ADGRV1: variants seen among roughly 807,000 people sequenced by gnomAD.
The protein encoded by ADGRV1 is G-protein coupled receptor 98.
A neutral mutation model predicts 596.2 loss-of-function variants in ADGRV1; 359 were observed. That is an observed-to-expected ratio of 0.60 (90% CI 0.55 to 0.66). The LOEUF (loss-of-function observed/expected upper bound fraction) is 0.66. Among genes scored for constraint, ADGRV1 ranks in the 30% least tolerant of loss-of-function variants. The pLI is 0.00. For synonymous variants in ADGRV1, 2,681 were observed against 2,679.2 expected, an observed-to-expected ratio of 1.00 and a Z score of -0.02; for missense variants, 7,274 against 7,575.6, an observed-to-expected ratio of 0.96 and a Z score of 1.48.
At chr5:90,899,782 T>C (rs932246328) in intron 83 of ADGRV1, among the ~76,000 whole-genome samples, 5 of 152,116 alleles carry the variant, frequency 3.3e-5, no homozygotes. Context: ...GCTCCATTCC[T>C]TCCACTCTTT....
chr5:90,688,448 C>G (rs1214478524), intron 29 of ADGRV1, among the ~76,000 whole-genome samples: 1 of 152,132 alleles, frequency 6.6e-6, no homozygotes, highest in African/African-American at 2.4e-5. Flanking sequence ...ATGTCCGCCT[C>G]CCGGGTTCAA....
intron 28 of ADGRV1, 140 bp from the exon 29 acceptor site, chr5:90,685,639 TA>T (rs1554082196): frequency 5.0e-5 from 13 of 259,220 alleles, no homozygotes; most frequent in African/African-American, 2.7e-4. Context: ...AATAAATAAA[TA>T]AAATAAATAG....
At chr5:90,736,323 CA>C (rs1470522337) in intron 50 of ADGRV1, among the ~76,000 whole-genome samples, 1 of 151,970 alleles carries the variant, frequency 6.6e-6, no homozygotes, top group African/African-American at 2.4e-5. Flanking sequence ...GAATAAATCC[CA>C]CTTGATCATG....
rs1432082801 is a variant in ADGRV1 at position 90,705,652 on chromosome 5, C to T, written c.8566+73C>T. 6 of 1,206,332 alleles carry T rather than the reference C, an allele frequency of 5.0e-6. No individual in the cohort carries two copies. In the Admixed American group the frequency reaches 1.0e-4, roughly 21 times the overall value. 74.7% of individuals were successfully genotyped at this position (1,206,332 alleles called of 1,614,324 possible). A position where few individuals can be genotyped will look rare whatever the true frequency, so the allele number is the denominator to read the frequency against. On this transcript the variant is annotated intron_variant, in intron 37 of 89. Coordinates refer to ENST00000405460, the MANE Select transcript of ADGRV1 (RefSeq NM_032119.4). ...AATATTCTACTTGTGTGGATGAAAG[C>T]CATTGCTAAAATAAATCGGGGACAG...
chr5:90,999,230 A>G (rs1781665449), intron 85 of ADGRV1, among the ~76,000 whole-genome samples: 2 of 152,044 alleles, frequency 1.3e-5, no homozygotes, highest in African/African-American at 4.8e-5. Context: ...GGAAATTTAC[A>G]TCTTAATATG....
chr5:90,827,791 A>T (rs1395761735), intron 76 of ADGRV1, among the ~76,000 whole-genome samples: 1 of 152,236 alleles, frequency 6.6e-6, no homozygotes, highest in Non-Finnish European at 1.5e-5. Context: ...TTCAGAAAAC[A>T]AAAGGAGATT....
intron 17 of ADGRV1, among the ~76,000 whole-genome samples, chr5:90,648,667 C>T (rs1202753057): frequency 6.6e-6 from 1 of 152,182 alleles, no homozygotes; most frequent in Admixed American, 6.5e-5. Context: ...ATCTCTTTGA[C>T]TTTCTTCATT....
rs547311644 is a variant in ADGRV1, at chr5:90,846,219, G to A, written c.17020-2418G>A. On this transcript the variant is annotated intron_variant, in intron 78 of 89. Coordinates refer to ENST00000405460, the MANE Select transcript of ADGRV1 (RefSeq NM_032119.4). ...TGTAGGTTGGTAGATGGGGCATAGT[G>A]TAAGAATCATAGAGCTTGAAACAGA... Among the ~76,000 whole-genome samples the A allele has an allele frequency of 6.6e-5, 10 of 151,140 alleles. No homozygotes were observed. The East Asian group carries it at 1.9e-3, about 29-fold the overall frequency.
intron 59 of ADGRV1, among the ~76,000 whole-genome samples, chr5:90,770,869 T>C (rs1339975004): frequency 6.6e-6 from 1 of 152,184 alleles, no homozygotes; most frequent in Non-Finnish European, 1.5e-5. Flanking sequence ...TATCCAAACA[T>C]ATGTGTCTTA....
chr5:90,796,589 C>A (rs1422354640), intron 70 of ADGRV1, among the ~76,000 whole-genome samples: 1 of 152,194 alleles, frequency 6.6e-6, no homozygotes, highest in Non-Finnish European at 1.5e-5. Flanking sequence ...CCTAGCAAGA[C>A]TGGCCAACAT....
Position 90,652,480 on chromosome 5 carries a change from C to G in ADGRV1, c.3551C>G (p.Ala1184Gly), listed in dbSNP as rs1768780074. Residue 1184 changes from alanine (A) to glycine (G), a missense_variant, in exon 19 of 90, where the codon GCA (alanine) becomes GGA (glycine). By Grantham distance (60) the Ala-to-Gly change is moderately conservative (BLOSUM62 0). Around this residue, in one of 5 missense-constraint regions of ADGRV1, gnomAD observed 1,715 missense variants for 1,708.8 expected, o/e 1.00. Transcript: ENST00000405460. ...GTVNFMDGEE[A>G]KPIILHAFPD... is the part of the protein sequence containing the mutation. ...GTTAACTTCATGGATGGAGAAGAAG[C>G]AAAACCAATCATTCTCCATGCTTTT... 1 of 1,613,296 alleles carries G rather than the reference C, an allele frequency of 6.2e-7. No individual in the cohort carries two copies. The highest frequency in any genetic ancestry group is 8.5e-7 in the Non-Finnish European group (1 of 1,179,498).
chr5:90,660,754 G>A (rs986076086), intron 21 of ADGRV1, among the ~76,000 whole-genome samples: 1 of 152,132 alleles, frequency 6.6e-6, no homozygotes, highest in African/African-American at 2.4e-5. Context: ...GGCCTTCTGA[G>A]TTATGTTATG....
rs764300517 is a variant in ADGRV1 at position 90,658,050 on chromosome 5, C to A, written c.4524C>A (p.His1508Gln). ...LHAMPAKSDL[H>Q]PISGYLEFRQ... is the part of the protein sequence containing the mutation. ...CCATGCCCGCAAAAAGTGATTTACACCCAATTTCTGGATATCTGGAGTTCA... is the reference window on the plus strand; with the variant it reads ...CCATGCCCGCAAAAAGTGATTTACAACCAATTTCTGGATATCTGGAGTTCA... Residue 1508 changes from histidine (H) to glutamine (Q), a missense_variant, in exon 21 of 90, where the codon CAC (histidine) becomes CAA (glutamine). Physicochemically the swap from His to Gln is conservative, Grantham distance 24. Coordinates refer to ENST00000405460, the MANE Select transcript of ADGRV1 (RefSeq NM_032119.4). 1.2e-6 allele frequency: 2 copies of A among 1,613,884 alleles called. No individual in the cohort carries two copies. Among genetic ancestry groups the A allele is most frequent in the Non-Finnish European group, 1.7e-6 (2 of 1,179,852 alleles).
intron 85 of ADGRV1, among the ~76,000 whole-genome samples, chr5:91,071,811 A>G (rs1274383451): frequency 5.3e-5 from 8 of 151,920 alleles, no homozygotes; most frequent in African/African-American, 1.9e-4. Context: ...AGTAGCTGGG[A>G]CTACAGGCAC....
At chr5:90,874,609 C>T (rs1307328243) in intron 83 of ADGRV1, among the ~76,000 whole-genome samples, 2 of 151,936 alleles carry the variant, frequency 1.3e-5, no homozygotes, top group Admixed American at 6.6e-5. Context: ...CACCTGTAAT[C>T]CCAGCACTTT....
intron 37 of ADGRV1, among the ~76,000 whole-genome samples, 167 bp downstream of exon 37, chr5:90,705,746 A>G (rs1748505574): frequency 1.3e-5 from 2 of 152,226 alleles, no homozygotes; most frequent in Admixed American, 1.3e-4. Flanking sequence ...AGATTAAAGG[A>G]ATTATCTGTT....
In ADGRV1 at chr5:90,791,083, T is replaced by A; in HGVS notation, c.14254T>A (p.Phe4752Ile). ...ELDLEKSITWFSVYANDDPHG... is the reference protein window; with the variant it reads ...ELDLEKSITWISVYANDDPHG... ...GGATCTGGAGAAGAGTATCACATGG[T>A]TCTCTGTTTATGCAAATGATGACCC... is the stretch of plus-strand genomic sequence containing the variant. The change falls in exon 70 of 90, where the codon TTC becomes ATC. Residue 4752 changes from phenylalanine to isoleucine, a missense_variant. By Grantham distance (21) the Phe-to-Ile change is conservative. This residue lies in a region of ADGRV1 where 1,874 missense variants were observed against 1,970.2 expected (regional missense o/e 0.95). Coordinates refer to ENST00000405460, the MANE Select transcript of ADGRV1 (RefSeq NM_032119.4). 6.2e-7 allele frequency: 1 copy of A among 1,613,938 alleles called. No individual in the cohort carries two copies. The highest frequency in any genetic ancestry group is 8.5e-7 in the Non-Finnish European group (1 of 1,179,878).
intron 50 of ADGRV1, among the ~76,000 whole-genome samples, chr5:90,744,640 CTG>C (rs1369219633): frequency 2.0e-5 from 3 of 151,948 alleles, no homozygotes; most frequent in Non-Finnish European, 2.9e-5. Flanking sequence ...CTGTTTATAA[CTG>C]TGTCAATTAT....
intron 1 of ADGRV1, among the ~76,000 whole-genome samples, chr5:90,596,688 G>A (rs1455843191): frequency 6.6e-6 from 1 of 152,226 alleles, no homozygotes; most frequent in Admixed American, 6.5e-5. Flanking sequence ...CACTCCGCAG[G>A]CTGAGGCAGG....
Sources: gnomAD v4.1 joint callset for allele counts (sites outside exome capture counted in the v4.1 genomes callset) on GRCh38, gnomAD v4.1.1 for gene constraint, gnomAD v4.1.1 regional missense constraint, MANE v1.5 for transcripts, NCBI Gene and HGNC (gene_info 2026-07-23, HGNC 2026-07-21) for gene names.